Variants in MAPK14 observed in about 807,000 individuals in gnomAD.
MAPK14 encodes mitogen-activated protein kinase 14.
Under a neutral mutation model 49.6 loss-of-function variants are expected in MAPK14, and 16 were observed. The ratio of observed to expected loss-of-function variants is 0.32; its 90% CI spans 0.22 to 0.49. MAPK14 has a LOEUF of 0.49. Among genes scored for constraint, MAPK14 ranks in the 20% least tolerant of loss-of-function variants. MAPK14 has a pLI of 0.99. For synonymous variants in MAPK14, 142 were observed against 158.0 expected (o/e 0.90, Z 0.76); for missense variants, 200 against 441.2 (o/e 0.45, Z 4.90).
chr6:36,061,493 A>G (rs552220982), intron 3 of MAPK14, among the ~76,000 whole-genome samples: 8 of 152,316 alleles, frequency 5.3e-5, no homozygotes, highest in South Asian at 2.1e-4. Flanking sequence ...CATTTATTCA[A>G]TAAATACTAT....
Position 36,071,700 on chromosome 6 carries a change from A to G in MAPK14, c.306-1173A>G, listed in dbSNP as rs115919337. Among the ~76,000 whole-genome samples the G allele has an allele frequency of 7.4e-3, 1,135 of 152,358 alleles. 14 individuals are homozygous for G. The highest frequency in any genetic ancestry group is 0.026 in the African/African-American group (1,067 of 41,580). On this transcript the variant is annotated intron_variant, in intron 3 of 11. Coordinates refer to ENST00000229794, the MANE Select transcript of MAPK14 (RefSeq NM_139012.3). Reference sequence around the variant, plus strand: ...TATTTTAGAACCTGTAATGTGGAAGACTTATAATGAGGTGAAAATGTAGCG... The same window carrying G: ...TATTTTAGAACCTGTAATGTGGAAGGCTTATAATGAGGTGAAAATGTAGCG...
intron 9 of MAPK14, chr6:36,097,969 C>T (rs552260370): frequency 2.7e-5 from 4 of 150,270 alleles, no homozygotes; most frequent in Non-Finnish European, 4.4e-5. Flanking sequence ...GTAGTTTAAA[C>T]ATCCTAAGGG....
intron 1 of MAPK14, among the ~76,000 whole-genome samples, chr6:36,038,943 A>T (rs74864999): frequency 0.017 from 2,652 of 152,228 alleles, 77 homozygotes; most frequent in African/African-American, 0.06. Flanking sequence ...TCAACAGTTA[A>T]ACATTTAAGT....
At chr6:36,045,138 A>C (rs1317731891) in intron 1 of MAPK14, among the ~76,000 whole-genome samples, 2 of 152,122 alleles carry the variant, frequency 1.3e-5, no homozygotes, top group Non-Finnish European at 1.5e-5. Flanking sequence ...AAAGAAAAAA[A>C]AAAAAAGCAA....
chr6:36,039,714 A>G (rs948585324), intron 1 of MAPK14, among the ~76,000 whole-genome samples: 2 of 152,158 alleles, frequency 1.3e-5, no homozygotes, highest in Admixed American at 6.5e-5. Context: ...TTTCGAAAGT[A>G]TCAGTCCAGG....
At chr6:36,087,263 A>T (rs980304866) in intron 8 of MAPK14, among the ~76,000 whole-genome samples, 1 of 152,210 alleles carries the variant, frequency 6.6e-6, no homozygotes, top group Non-Finnish European at 1.5e-5. Context: ...CCTATTCAAC[A>T]TAGTATTGGA....
At position 36,028,027 on chromosome 6, in the gene MAPK14, G is replaced by A; in HGVS notation, c.-131G>A. On this transcript the variant is annotated 5_prime_UTR_variant, in exon 1 of 12. Coordinates refer to ENST00000229794, the MANE Select transcript of MAPK14 (RefSeq NM_139012.3). The surrounding 1 kb of genome is among the most constrained non-coding windows in gnomAD (Gnocchi z 5.1). ...CGCGGGAGTCTGCGGGGTCGCGGCA[G>A]CCGCACCTGCGCGGGCGACCAGCGC... The A allele has an allele frequency of 2.1e-6, 1 of 483,388 alleles. No individual in the cohort carries two copies. Among genetic ancestry groups the A allele is most frequent in the African/African-American group, 2.0e-5 (1 of 49,058 alleles). 29.9% of individuals were successfully genotyped at this position (483,388 alleles called of 1,614,324 possible). A position where few individuals can be genotyped will look rare whatever the true frequency, so the allele number is the denominator to read the frequency against.
At chr6:36,114,756 A>G (rs890744658), downstream of MAPK14, among the ~76,000 whole-genome samples, 1 of 152,164 alleles carries the variant, frequency 6.6e-6, no homozygotes, top group Admixed American at 6.5e-5. Flanking sequence ...AAAAAAAAAC[A>G]GTAGGTTGAG....
At chr6:36,049,308 C>T (rs919611679) in intron 1 of MAPK14, among the ~76,000 whole-genome samples, 4 of 152,076 alleles carry the variant, frequency 2.6e-5, no homozygotes, top group Admixed American at 1.3e-4. Context: ...ATCTCCTTTC[C>T]TTTCCTTTTC....
intron 9 of MAPK14, among the ~76,000 whole-genome samples, chr6:36,102,086 T>C (rs542438937): frequency 6.6e-6 from 1 of 152,354 alleles, no homozygotes; most frequent in Admixed American, 6.5e-5. Context: ...ATATTAACTT[T>C]TTTGTTACCA....
chr6:36,042,437 C>T (rs1298588725), intron 1 of MAPK14, among the ~76,000 whole-genome samples: 2 of 147,258 alleles, frequency 1.4e-5, no homozygotes, highest in African/African-American at 5.0e-5. Context: ...TCCTTGAGGT[C>T]ATAAACAATC....
At chr6:36,055,156 C>G in intron 2 of MAPK14, among the ~76,000 whole-genome samples, 1 of 152,362 alleles carries the variant, frequency 6.6e-6, no homozygotes, top group Middle Eastern at 3.4e-3. Flanking sequence ...TTAACACCTG[C>G]TCTAAGGAAA....
At chr6:36,077,603 G>A (rs184270477) in intron 8 of MAPK14, among the ~76,000 whole-genome samples, 6 of 152,084 alleles carry the variant, frequency 3.9e-5, no homozygotes, top group African/African-American at 7.2e-5. Context: ...ATCTACCCAC[G>A]TGTTCTAACT....
intron 1 of MAPK14, among the ~76,000 whole-genome samples, chr6:36,044,106 G>A (rs985694984): frequency 1.9e-4 from 29 of 151,920 alleles, no homozygotes; most frequent in Non-Finnish European, 3.2e-4. Flanking sequence ...CACCGCACCC[G>A]GCCCTCACTT....
chr6:36,072,290 A>G (rs376493969), intron 3 of MAPK14, among the ~76,000 whole-genome samples: 1 of 152,044 alleles, frequency 6.6e-6, no homozygotes, highest in South Asian at 2.1e-4. Flanking sequence ...GTGAATTACT[A>G]TGATTGCTCC....
chr6:36,062,638 G>GTTTTT, intron 3 of MAPK14, among the ~76,000 whole-genome samples: 2 of 142,004 alleles, frequency 1.4e-5, no homozygotes, highest in Non-Finnish European at 1.5e-5. Context: ...CAGATTTATA[G>GTTTTT]TTTTTTTTTT....
At chr6:36,080,394 T>C (rs1764707816) in intron 8 of MAPK14, among the ~76,000 whole-genome samples, 1 of 152,222 alleles carries the variant, frequency 6.6e-6, no homozygotes, top group African/African-American at 2.4e-5. Flanking sequence ...TGGTAACCTC[T>C]GTTCTTTCTG....
At position 36,052,727 on chromosome 6, in the gene MAPK14, C is replaced by T. The variant is rs760295301; in HGVS notation, c.145C>T (p.Arg49Cys). Residue 49 changes from arginine to cysteine, a missense_variant, in exon 2 of 12, where the codon CGT (arginine) becomes TGT (cysteine). Coordinates refer to ENST00000229794, the MANE Select transcript of MAPK14 (RefSeq NM_139012.3). The part of the protein sequence containing the change: ...CAAFDTKTGL[R>C]VAVKKLSRPF... ...TGCTTTTGACACAAAAACGGGGTTA[C>T]GTGTGGCAGTGAAGAAGCTCTCCAG... 16 of 1,610,466 alleles carry T rather than the reference C, an allele frequency of 9.9e-6. No individual in the cohort carries two copies. Among genetic ancestry groups the T allele is most frequent in the African/African-American group, 1.3e-5 (1 of 74,632 alleles).
chr6:36,088,186 C>G (rs1374111706), intron 8 of MAPK14, among the ~76,000 whole-genome samples: 1 of 152,086 alleles, frequency 6.6e-6, no homozygotes. Context: ...AGAAGAAAAT[C>G]TAGGCAATAT....
Sources: gnomAD v4.1 joint callset for allele counts (sites outside exome capture counted in the v4.1 genomes callset) on GRCh38, gnomAD v4.1.1 for gene constraint, Gnocchi (gnomAD v3.1) non-coding constraint, MANE v1.5 for transcripts, NCBI Gene and HGNC (gene_info 2026-07-23, HGNC 2026-07-21) for gene names.